Variants in RAB27A observed in about 807,000 individuals in gnomAD.
RAB27A encodes ras-related protein Rab-27A.
A neutral mutation model predicts 20.8 loss-of-function variants in RAB27A; 17 were observed. The observed-to-expected ratio is 0.82, with a 90% CI of 0.56 to 1.23. The LOEUF (loss-of-function observed/expected upper bound fraction) is 1.23. Ranked by LOEUF, RAB27A falls within the 50% of genes most tolerant of loss-of-function variation. RAB27A has a pLI of 0.00. For missense variants in RAB27A, 277 were observed against 266.7 expected, an observed-to-expected ratio of 1.04 and a Z score of -0.27; for synonymous variants, 85 against 92.8, an observed-to-expected ratio of 0.92 and a Z score of 0.48.
At chr15:55,243,707 A>G (rs1377686759) in intron 2 of RAB27A, among the ~76,000 whole-genome samples, 1 of 152,058 alleles carries the variant, frequency 6.6e-6, no homozygotes, top group East Asian at 1.9e-4. Context: ...CCTTCATTCA[A>G]TAAATATTGA....
intron 6 of RAB27A, among the ~76,000 whole-genome samples, chr15:55,210,566 A>C (rs150122754): frequency 0.016 from 2,452 of 152,100 alleles, 37 homozygotes; most frequent in Middle Eastern, 0.041. Flanking sequence ...CCATTTGCAG[A>C]TCTTTTGAGA....
At chr15:55,230,552 TTTGTTC>T (rs1895992057) in intron 3 of RAB27A, 66 bp from the exon 4 acceptor site, 5 of 1,332,964 alleles carry the variant, frequency 3.8e-6, no homozygotes, top group Non-Finnish European at 5.4e-6. Flanking sequence ...TTCTCACCTT[TTTGTTC>T]AGTACAAATC....
intron 4 of RAB27A, among the ~76,000 whole-genome samples, chr15:55,229,032 G>C (rs1595693950): frequency 6.6e-6 from 1 of 152,282 alleles, no homozygotes; most frequent in East Asian, 1.9e-4. Flanking sequence ...GTGAAAGCTT[G>C]ACTTGACATT....
chr15:55,248,188 A>G (rs116403026), intron 2 of RAB27A, among the ~76,000 whole-genome samples: 4,024 of 152,052 alleles, frequency 0.026, 207 homozygotes, highest in African/African-American at 0.092. Flanking sequence ...AGCACACAGG[A>G]CTTCCATCTC....
intron 1 of RAB27A, among the ~76,000 whole-genome samples, chr15:55,316,585 TAA>T (rs111709943): frequency 1.4e-5 from 2 of 142,168 alleles, no homozygotes; most frequent in Admixed American, 7.0e-5. Context: ...TCCCAGAACT[TAA>T]AAAAAAAAAG....
At chr15:55,226,063 A>G (rs765900642) in intron 5 of RAB27A, among the ~76,000 whole-genome samples, 21 of 152,220 alleles carry the variant, frequency 1.4e-4, no homozygotes, top group Non-Finnish European at 2.9e-4. Flanking sequence ...AAAAATATGT[A>G]AAATATATAC....
chr15:55,253,246 G>A (rs749784823), intron 2 of RAB27A, among the ~76,000 whole-genome samples: 4 of 151,246 alleles, frequency 2.6e-5, no homozygotes, highest in South Asian at 2.1e-4. Flanking sequence ...TCAGGTATTC[G>A]AGACCAGCCT....
chr15:55,265,866 C>T (rs887124860), intron 2 of RAB27A, among the ~76,000 whole-genome samples: 1 of 152,076 alleles, frequency 6.6e-6, no homozygotes, highest in African/African-American at 2.4e-5. Flanking sequence ...GTGTTTGAGA[C>T]CTGGGTCTAA....
intron 5 of RAB27A, 29 bp from the exon 6 acceptor site, chr15:55,224,041 T>G (rs201837264): frequency 3.3e-5 from 49 of 1,480,796 alleles, no homozygotes; most frequent in Middle Eastern, 1.8e-4. Context: ...TTATTATATA[T>G]GTAAATAATA....
chr15:55,294,702 T>C (rs183589461), upstream of RAB27A, among the ~76,000 whole-genome samples: 144 of 151,572 alleles, frequency 9.5e-4, no homozygotes, highest in Admixed American at 1.7e-3. Flanking sequence ...ATCAAATAGC[T>C]GAATATAAGA....
intron 2 of RAB27A, among the ~76,000 whole-genome samples, chr15:55,245,845 C>G (rs1896664505): frequency 1.3e-5 from 2 of 152,138 alleles, no homozygotes; most frequent in African/African-American, 4.8e-5. Context: ...CATGGTGGCT[C>G]ATGCCAGTAA....
chr15:55,302,987 G>A (rs1459393281), intron 2 of RAB27A, among the ~76,000 whole-genome samples: 8 of 143,898 alleles, frequency 5.6e-5, no homozygotes, highest in Non-Finnish European at 1.1e-4. Flanking sequence ...GGAGGTGGGG[G>A]GGGGTCAACC....
At chr15:55,274,794 T>TTTTATATATATATATATA (rs1491185564) in intron 1 of RAB27A, among the ~76,000 whole-genome samples, 628 of 52,124 alleles carry the variant, frequency 0.012, 15 homozygotes, top group Non-Finnish European at 0.02. Flanking sequence ...AATAAATAAA[T>TTTTATATATATATATATA]TATATATATA....
In RAB27A at chr15:55,205,393, G is replaced by A; in HGVS notation, c.*114C>T. 1 of 1,073,776 alleles carries A rather than the reference G, an allele frequency of 9.3e-7. No homozygotes were observed. The highest frequency in any genetic ancestry group is 1.3e-5 in the South Asian group (1 of 79,208). 66.5% of individuals were successfully genotyped at this position (1,073,776 alleles called of 1,614,324 possible). ...CTTTATTCGTAGGTCTAATGGGGAT[G>A]GTGAGAAGCAATTTGTACACAATGC... On this transcript the variant is annotated 3_prime_UTR_variant, in exon 7 of 7. Coordinates refer to ENST00000336787, the MANE Select transcript of RAB27A (RefSeq NM_183235.3).
chr15:55,250,308 T>C (rs964279924), intron 2 of RAB27A, among the ~76,000 whole-genome samples: 3 of 152,172 alleles, frequency 2.0e-5, no homozygotes, highest in Non-Finnish European at 4.4e-5. Context: ...AAAAAGTATA[T>C]AGTCAAATAA....
intron 2 of RAB27A, among the ~76,000 whole-genome samples, chr15:55,311,149 A>C (rs1236638829): frequency 6.6e-6 from 1 of 152,200 alleles, no homozygotes; most frequent in Non-Finnish European, 1.5e-5. Context: ...AGAGATCGCC[A>C]AACTCTCAGG....
intron 1 of RAB27A, among the ~76,000 whole-genome samples, chr15:55,278,717 C>T (rs1249695055): frequency 7.9e-5 from 12 of 152,048 alleles, no homozygotes; most frequent in African/African-American, 2.4e-5. Context: ...CTCCTGACCT[C>T]GTGATCTGCC....
chr15:55,250,514 A>C lies in RAB27A; in HGVS notation c.-22-15558T>G, dbSNP rs902992300. Among the ~76,000 whole-genome samples the C allele has an allele frequency of 2.6e-5, 4 of 152,212 alleles. 1 individual carries two copies. The highest frequency in any genetic ancestry group is 5.9e-5 in the Non-Finnish European group (4 of 68,028). On this transcript the variant is annotated intron_variant, in intron 2 of 6. Coordinates refer to ENST00000336787, the MANE Select transcript of RAB27A (RefSeq NM_183235.3). ...TTGTCTATTGTGAAATTATTTAAGG[A>C]AGTACATGTGAACTACATTCAGTAA...
At chr15:55,268,396 A>C (rs1354735937) in intron 2 of RAB27A, among the ~76,000 whole-genome samples, 1 of 152,194 alleles carries the variant, frequency 6.6e-6, no homozygotes, top group Non-Finnish European at 1.5e-5. Flanking sequence ...TCTGAGCCTC[A>C]ATTTCTTCAT....
Sources: gnomAD v4.1 joint callset for allele counts (sites outside exome capture counted in the v4.1 genomes callset) on GRCh38, gnomAD v4.1.1 for gene constraint, MANE v1.5 for transcripts, NCBI Gene and HGNC (gene_info 2026-07-23, HGNC 2026-07-21) for gene names.